The following PTCSC3 variants were observed in gnomAD, a reference collection of about 807,000 sequenced individuals.
The protein encoded by PTCSC3 is papillary thyroid carcinoma susceptibility candidate 3 (non-protein coding).
intron 3 of PTCSC3, among the ~76,000 whole-genome samples, chr14:36,147,163 G>A (rs1221126991): frequency 1.3e-5 from 2 of 152,116 alleles, no homozygotes; most frequent in Non-Finnish European, 2.9e-5. Context: ...TTCTGGAGGA[G>A]TATCTTTGTG....
intron 3 of PTCSC3, among the ~76,000 whole-genome samples, chr14:36,153,448 A>G (rs992716581): frequency 3.3e-5 from 5 of 152,234 alleles, no homozygotes; most frequent in Non-Finnish European, 5.9e-5. Context: ...TCAAAACAGT[A>G]AAAATCCATA....
chr14:36,149,545 C>T (rs1424705920), intron 3 of PTCSC3, among the ~76,000 whole-genome samples: 5 of 152,160 alleles, frequency 3.3e-5, no homozygotes, highest in African/African-American at 9.7e-5. Context: ...TGATTTTCTG[C>T]TTGCTGGATC....
At chr14:36,175,637 G>C (rs1480004019) in intron 1 of PTCSC3, among the ~76,000 whole-genome samples, 1 of 152,170 alleles carries the variant, frequency 6.6e-6, no homozygotes, top group Non-Finnish European at 1.5e-5. Flanking sequence ...TAAGTCATTT[G>C]CTGGATACAG....
chr14:36,155,852 G>T (rs1881814780), intron 2 of PTCSC3, among the ~76,000 whole-genome samples: 1 of 152,100 alleles, frequency 6.6e-6, no homozygotes, highest in African/African-American at 2.4e-5. Flanking sequence ...AAAGCACAAA[G>T]TCATTTCCAT....
At chr14:36,169,935 A>C (rs1882163111) in intron 1 of PTCSC3, among the ~76,000 whole-genome samples, 1 of 152,172 alleles carries the variant, frequency 6.6e-6, no homozygotes, top group South Asian at 2.1e-4. Flanking sequence ...CTATGTATTA[A>C]GTGCTGTAAT....
intron 3 of PTCSC3, among the ~76,000 whole-genome samples, chr14:36,153,219 A>C (rs1337834169): frequency 6.6e-6 from 1 of 152,160 alleles, no homozygotes; most frequent in Non-Finnish European, 1.5e-5. Context: ...CCCATTCATG[A>C]TGGTTCCACT....
intron 1 of PTCSC3, among the ~76,000 whole-genome samples, chr14:36,171,306 C>A (rs997351797): frequency 6.6e-6 from 1 of 152,016 alleles, no homozygotes; most frequent in Admixed American, 6.6e-5. Flanking sequence ...GTAGCAGATA[C>A]TAAAATAGCA....
At position 36,174,653 on chromosome 14, in the gene PTCSC3, G is replaced by C. The variant is rs1383822098; in HGVS notation, n.171+1645C>G. Among the ~76,000 whole-genome samples the C allele has an allele frequency of 3.3e-5, 5 of 152,112 alleles. No individual in the cohort carries two copies. The East Asian group carries it at 7.7e-4, about 24-fold the overall frequency. The stretch of plus-strand genomic sequence containing the variant: ...GTAGACTTAGTGTTTTGCATTGCTA[G>C]TATAGATCTGTGGACAGTCCAAGGT... On this transcript the variant is annotated intron_variant and non_coding_transcript_variant, in intron 1 of 3. Coordinates refer to ENST00000556013, the Ensembl canonical transcript of PTCSC3.
chr14:36,142,955 A>G (rs971988959), intron 3 of PTCSC3, among the ~76,000 whole-genome samples: 3 of 151,264 alleles, frequency 2.0e-5, no homozygotes, highest in South Asian at 2.1e-4. Flanking sequence ...ATGATTTCCA[A>G]TTTCACCCAT....
intron 3 of PTCSC3, among the ~76,000 whole-genome samples, chr14:36,144,568 A>G (rs1182434797): frequency 4.8e-5 from 5 of 103,288 alleles, no homozygotes; most frequent in Admixed American, 1.0e-4. Flanking sequence ...GGCTGAGACA[A>G]TGGGGTTTTC....
intron 3 of PTCSC3, among the ~76,000 whole-genome samples, chr14:36,143,819 T>G (rs1161266129): frequency 6.9e-6 from 1 of 144,838 alleles, no homozygotes. Context: ...TTAATCCATC[T>G]TGAATTGATT....
chr14:36,158,447 A>G (rs1423495526), intron 2 of PTCSC3, among the ~76,000 whole-genome samples: 2 of 152,176 alleles, frequency 1.3e-5, no homozygotes, highest in Admixed American at 6.5e-5. Flanking sequence ...TGGTTCATTG[A>G]GAGTTTTTAG....
intron 2 of PTCSC3, among the ~76,000 whole-genome samples, chr14:36,162,285 A>C (rs1417246315): frequency 7.2e-6 from 1 of 139,110 alleles, no homozygotes; most frequent in Non-Finnish European, 1.6e-5. Flanking sequence ...AAAAAAAAAA[A>C]CTCCTGCAGC....
chr14:36,141,000 C>T (rs1466271294), intron 3 of PTCSC3, among the ~76,000 whole-genome samples: 1 of 152,136 alleles, frequency 6.6e-6, no homozygotes, highest in Non-Finnish European at 1.5e-5. Context: ...ATCTTTTCTC[C>T]ACTGGATTGC....
intron 2 of PTCSC3, chr14:36,154,034 T>A (rs1163993306): frequency 2.7e-5 from 4 of 148,818 alleles, no homozygotes; most frequent in Non-Finnish European, 5.9e-5. Context: ...GCCACTGCAC[T>A]CCAGCCTGGG....
At chr14:36,161,057 T>A (rs904031567) in intron 2 of PTCSC3, among the ~76,000 whole-genome samples, 84 of 152,340 alleles carry the variant, frequency 5.5e-4, no homozygotes, top group African/African-American at 1.9e-3. Context: ...GTGCTGTGTT[T>A]TTCAGCTCCA....
intron 1 of PTCSC3, among the ~76,000 whole-genome samples, chr14:36,170,214 C>T (rs1882167207): frequency 6.6e-6 from 1 of 151,892 alleles, no homozygotes; most frequent in Non-Finnish European, 1.5e-5. Context: ...TAAATATCTT[C>T]TGTAGGTTAA....
intron 1 of PTCSC3, among the ~76,000 whole-genome samples, chr14:36,166,705 C>A (rs1232806412): frequency 6.6e-6 from 1 of 151,982 alleles, no homozygotes; most frequent in Non-Finnish European, 1.5e-5. Flanking sequence ...ATGTGTCAGG[C>A]AGAAATAGAA....
intron 1 of PTCSC3, among the ~76,000 whole-genome samples, chr14:36,165,899 G>C (rs995009440): frequency 6.6e-6 from 1 of 151,926 alleles, no homozygotes; most frequent in Non-Finnish European, 1.5e-5. Flanking sequence ...CTTGCTTAGC[G>C]GTTTTGTGAT....
Sources: gnomAD v4.1 joint callset for allele counts (sites outside exome capture counted in the v4.1 genomes callset) on GRCh38, gnomAD v4.1.1 for gene constraint, MANE v1.5 for transcripts, NCBI Gene and HGNC (gene_info 2026-07-23, HGNC 2026-07-21) for gene names.